Variants in KCNIP4 observed in about 807,000 individuals in gnomAD.
The protein encoded by KCNIP4 is potassium voltage-gated channel interacting protein 4, also known as Kv channel-interacting protein 4.
In KCNIP4, 12 loss-of-function variants were observed where a neutral mutation model predicts 34.0. The observed-to-expected ratio is 0.35, with a 90% CI of 0.23 to 0.57. The LOEUF (loss-of-function observed/expected upper bound fraction) is 0.57, where lower values mean the gene tolerates loss of function less well. KCNIP4 is among the 20% of genes least tolerant of loss of function. The pLI, the probability that KCNIP4 is intolerant of heterozygous loss-of-function variation, is 0.83. For missense variants in KCNIP4, 238 were observed against 311.7 expected (o/e 0.76, Z 1.78); for synonymous variants, 124 against 102.2 (o/e 1.21, Z -1.29).
At chr4:21,519,662 A>G (rs558611650) in intron 1 of KCNIP4, among the ~76,000 whole-genome samples, 3 of 143,558 alleles carry the variant, frequency 2.1e-5, no homozygotes, top group African/African-American at 7.7e-5. Context: ...ATGTGTATAT[A>G]TACACGTGTG....
intron 1 of KCNIP4, among the ~76,000 whole-genome samples, chr4:21,240,280 C>T (rs1460773262): frequency 3.3e-5 from 5 of 149,890 alleles, no homozygotes; most frequent in South Asian, 2.1e-4. Context: ...TGCTAAATGA[C>T]GAGTCAATGG....
chr4:21,637,840 T>C (rs867061601), intron 1 of KCNIP4, among the ~76,000 whole-genome samples: 1 of 151,194 alleles, frequency 6.6e-6, no homozygotes, highest in African/African-American at 2.4e-5. Context: ...GTTAAGGAGC[T>C]TGCCTAATCA....
intron 1 of KCNIP4, among the ~76,000 whole-genome samples, chr4:21,264,434 A>C (rs1467241390): frequency 3.3e-5 from 5 of 152,162 alleles, no homozygotes; most frequent in Admixed American, 6.6e-5. Context: ...GTGGTTAGGA[A>C]CGTGATGTAG....
intron 1 of KCNIP4, among the ~76,000 whole-genome samples, chr4:21,143,958 T>C (rs938006740): frequency 1.4e-4 from 22 of 152,114 alleles, no homozygotes; most frequent in Non-Finnish European, 2.5e-4. Context: ...TCCACCCACC[T>C]TGGTCTCCCA....
intron 1 of KCNIP4, among the ~76,000 whole-genome samples, chr4:21,442,145 C>T (rs878872414): frequency 2.0e-5 from 3 of 152,156 alleles, no homozygotes; most frequent in Non-Finnish European, 4.4e-5. Context: ...CTACTATCTT[C>T]ACCTCCAGAA....
intron 1 of KCNIP4, among the ~76,000 whole-genome samples, chr4:21,733,271 T>A (rs528676944): frequency 2.6e-5 from 4 of 152,342 alleles, no homozygotes; most frequent in African/African-American, 9.6e-5. Context: ...GATTGGGACA[T>A]GACTGATACA....
At chr4:21,289,492 A>T (rs1461550955) in intron 1 of KCNIP4, among the ~76,000 whole-genome samples, 5 of 152,210 alleles carry the variant, frequency 3.3e-5, no homozygotes, top group African/African-American at 1.2e-4. Flanking sequence ...ATTTGAATTA[A>T]AAGTGAACTA....
chr4:20,937,037 T>A (rs1183950410), intron 1 of KCNIP4, among the ~76,000 whole-genome samples: 1 of 151,910 alleles, frequency 6.6e-6, no homozygotes, highest in East Asian at 1.9e-4. Context: ...AGTACAGGTT[T>A]GGCATTATGA....
chr4:21,879,406 C>T (rs1726332682), intron 1 of KCNIP4, among the ~76,000 whole-genome samples: 1 of 152,224 alleles, frequency 6.6e-6, no homozygotes, highest in Non-Finnish European at 1.5e-5. Flanking sequence ...CTGTGAGTCA[C>T]TCCTCTCAAA....
At chr4:21,873,409 C>G (rs1725920725) in intron 1 of KCNIP4, among the ~76,000 whole-genome samples, 1 of 152,272 alleles carries the variant, frequency 6.6e-6, no homozygotes, top group Admixed American at 6.5e-5. Flanking sequence ...CTAGATAGAC[C>G]TGAAAATCTA....
intron 1 of KCNIP4, among the ~76,000 whole-genome samples, chr4:21,573,074 A>G (rs1388524866): frequency 6.6e-6 from 1 of 152,152 alleles, no homozygotes; most frequent in Non-Finnish European, 1.5e-5. Context: ...GCTATTCAGA[A>G]TCATCCCAGG....
At chr4:21,541,615 C>G (rs569978472) in intron 1 of KCNIP4, among the ~76,000 whole-genome samples, 1 of 152,120 alleles carries the variant, frequency 6.6e-6, no homozygotes, top group Non-Finnish European at 1.5e-5. Context: ...ATGTTCAAGT[C>G]ATATAGTCTT....
At chr4:21,559,058 T>C (rs2109028949) in intron 1 of KCNIP4, among the ~76,000 whole-genome samples, 1 of 152,238 alleles carries the variant, frequency 6.6e-6, no homozygotes, top group Admixed American at 6.5e-5. Context: ...ACATATAAAC[T>C]TAGCCATTGT....
chr4:21,486,224 T>C (rs1731902298), intron 1 of KCNIP4, among the ~76,000 whole-genome samples: 2 of 149,040 alleles, frequency 1.3e-5, no homozygotes, highest in Admixed American at 1.3e-4. Context: ...CTGATATATG[T>C]TTCCTTCTTT....
chr4:20,959,324 TAGAC>T (rs1297132830), intron 1 of KCNIP4, among the ~76,000 whole-genome samples: 1 of 152,236 alleles, frequency 6.6e-6, no homozygotes, highest in East Asian at 1.9e-4. Context: ...ATAATGTACT[TAGAC>T]AGCATTTAAC....
intron 1 of KCNIP4, among the ~76,000 whole-genome samples, chr4:21,669,722 A>C (rs2109005440): frequency 6.6e-6 from 1 of 152,274 alleles, no homozygotes; most frequent in East Asian, 1.9e-4. Flanking sequence ...CACTCTAATA[A>C]TTACATACCA....
intron 1 of KCNIP4, among the ~76,000 whole-genome samples, chr4:21,269,691 G>A (rs549913277): frequency 1.4e-4 from 21 of 152,218 alleles, no homozygotes; most frequent in Admixed American, 8.5e-4. Context: ...CACTGCGCCC[G>A]CCCCAGCTTC....
At chr4:21,534,725 G>T (rs1047998724) in intron 1 of KCNIP4, among the ~76,000 whole-genome samples, 1 of 152,086 alleles carries the variant, frequency 6.6e-6, no homozygotes, top group African/African-American at 2.4e-5. Flanking sequence ...CATCTTCCCA[G>T]AGCACACACC....
chr4:21,177,565 A>T (rs1371244315), intron 1 of KCNIP4, among the ~76,000 whole-genome samples: 4 of 151,948 alleles, frequency 2.6e-5, no homozygotes, highest in Non-Finnish European at 5.9e-5. Context: ...AGCGGCTCAC[A>T]CCTGTAGGGG....
Sources: gnomAD v4.1 joint callset for allele counts (sites outside exome capture counted in the v4.1 genomes callset) on GRCh38, gnomAD v4.1.1 for gene constraint, MANE v1.5 for transcripts, NCBI Gene and HGNC (gene_info 2026-07-23, HGNC 2026-07-21) for gene names.